TBL1XR1: variants seen among roughly 807,000 people sequenced by gnomAD.
The protein encoded by TBL1XR1 is TBL1X/Y related 1.
Under a neutral mutation model 66.9 loss-of-function variants are expected in TBL1XR1, and 5 were observed. That is an observed-to-expected ratio of 0.07 (90% CI 0.04 to 0.16). The LOEUF is 0.16. Among genes scored for constraint, TBL1XR1 ranks in the 10% least tolerant of loss-of-function variants. The pLI is 1.00. For synonymous variants in TBL1XR1, 210 were observed against 206.0 expected, an observed-to-expected ratio of 1.02 and a Z score of -0.17; for missense variants, 238 against 623.2, an observed-to-expected ratio of 0.38 and a Z score of 6.58.
At chr3:177,109,481 A>AT (rs1725295362) in intron 1 of TBL1XR1, among the ~76,000 whole-genome samples, 2 of 152,156 alleles carry the variant, frequency 1.3e-5, no homozygotes. Flanking sequence ...CAACAGAACT[A>AT]TGGGAAGAAA....
chr3:177,041,719 T>C (rs1173986558), intron 10 of TBL1XR1, among the ~76,000 whole-genome samples: 6 of 152,198 alleles, frequency 3.9e-5, no homozygotes, highest in African/African-American at 1.2e-4. Context: ...CCTGCTAGGA[T>C]GTGCAACCCA....
chr3:177,193,863 T>C (rs74538226), intron 1 of TBL1XR1, among the ~76,000 whole-genome samples: 5,403 of 152,310 alleles, frequency 0.035, 338 homozygotes, highest in African/African-American at 0.12. Context: ...TTAATAATTT[T>C]GTGGCCTTGA....
chr3:177,023,640 AATAG>A lies in TBL1XR1; in HGVS notation c.*1854_*1857del, dbSNP rs1287475870. On this transcript the variant is annotated 3_prime_UTR_variant, in exon 16 of 16. Coordinates refer to ENST00000457928, the MANE Select transcript of TBL1XR1 (RefSeq NM_024665.7). ...ATTAAGTGTATTTATTCTCTTTACCAATAGCAAATGCTACCCTACCTTAGTAAAA... is the reference window on the plus strand; with the variant it reads ...ATTAAGTGTATTTATTCTCTTTACCACAAATGCTACCCTACCTTAGTAAAA... 1 of 152,586 alleles carries A rather than the reference AATAG, an allele frequency of 6.6e-6. No homozygotes were observed. Among genetic ancestry groups the A allele is most frequent in the African/African-American group, 2.4e-5 (1 of 41,464 alleles). 9.5% of individuals were successfully genotyped at this position (152,586 alleles called of 1,614,324 possible).
At chr3:177,121,392 C>T (rs1726955134) in intron 1 of TBL1XR1, among the ~76,000 whole-genome samples, 1 of 152,076 alleles carries the variant, frequency 6.6e-6, no homozygotes, top group Non-Finnish European at 1.5e-5. Flanking sequence ...AAATAAAGTC[C>T]ATTGAGAAAT....
intron 2 of TBL1XR1, 103 bp from the exon 3 acceptor site, chr3:177,065,125 G>A (rs543790242): frequency 7.6e-5 from 57 of 748,128 alleles, no homozygotes; most frequent in Middle Eastern, 8.5e-4. Flanking sequence ...GATGTAAAAC[G>A]AAGGTTCTAC....
intron 2 of TBL1XR1, among the ~76,000 whole-genome samples, chr3:177,084,121 A>G (rs1721830655): frequency 6.6e-6 from 1 of 152,086 alleles, no homozygotes; most frequent in Non-Finnish European, 1.5e-5. Context: ...AAAAGAAAAG[A>G]AAAAACTTAC....
At chr3:177,090,865 G>T (rs1560164305) in intron 2 of TBL1XR1, among the ~76,000 whole-genome samples, 1 of 152,072 alleles carries the variant, frequency 6.6e-6, no homozygotes, top group Non-Finnish European at 1.5e-5. Flanking sequence ...GCATGCACCT[G>T]TGGTCCCAGC....
Position 177,050,103 on chromosome 3 carries a change from C to G in TBL1XR1, c.596G>C (p.Ser199Thr), listed in dbSNP as rs1309997180. ...GDSTARIWNL[S>T]ENSTSGSTQL... The stretch of plus-strand genomic sequence containing the variant: ...TGTAGAGCCACTGGTGCTGTTCTCA[C>G]TAAGATTCCATATTCTTGCTGTTGA... The change falls in exon 7 of 16, where the codon AGT (serine) becomes ACT (threonine). Residue 199 changes from serine to threonine, a missense_variant. Ser to Thr is a moderately conservative substitution (Grantham distance 58, BLOSUM62 1). Transcript: ENST00000457928. The G allele has an allele frequency of 1.2e-6, 2 of 1,612,654 alleles. No homozygotes were observed. Among genetic ancestry groups the G allele is most frequent in the Admixed American group, 3.3e-5 (2 of 59,938 alleles).
chr3:177,198,666 C>T (rs893432600), upstream of TBL1XR1, among the ~76,000 whole-genome samples: 2 of 152,136 alleles, frequency 1.3e-5, no homozygotes, highest in Non-Finnish European at 2.9e-5. Context: ...GAAGCAGCCA[C>T]CCTTTTACAT....
intron 1 of TBL1XR1, among the ~76,000 whole-genome samples, chr3:177,107,288 TC>T (rs1303643841): frequency 2.0e-5 from 3 of 152,202 alleles, no homozygotes; most frequent in Admixed American, 2.0e-4. Flanking sequence ...CTCTTATGTG[TC>T]CTTACAGAAA....
chr3:177,151,885 G>C (rs977248152), intron 1 of TBL1XR1, among the ~76,000 whole-genome samples: 4 of 152,126 alleles, frequency 2.6e-5, no homozygotes, highest in Non-Finnish European at 2.9e-5. Flanking sequence ...TCAGCCGGGC[G>C]TGGTGGCAGG....
intron 1 of TBL1XR1, among the ~76,000 whole-genome samples, chr3:177,184,521 G>C (rs890608159): frequency 2.0e-5 from 3 of 152,166 alleles, no homozygotes; most frequent in Non-Finnish European, 2.9e-5. Context: ...TCACCAGTTG[G>C]CCAGGTGCGG....
At chr3:177,192,168 C>T (rs561072727) in intron 1 of TBL1XR1, among the ~76,000 whole-genome samples, 104 of 150,896 alleles carry the variant, frequency 6.9e-4, no homozygotes, top group African/African-American at 2.4e-3. Flanking sequence ...GAGGCCAAAG[C>T]GGGCAGATCA....
intron 10 of TBL1XR1, among the ~76,000 whole-genome samples, chr3:177,039,306 G>A (rs970613616): frequency 1.3e-5 from 2 of 152,152 alleles, no homozygotes; most frequent in African/African-American, 2.4e-5. Context: ...ACATGGTGAA[G>A]ACCAGGTGAG....
chr3:177,108,907 T>G (rs911512503), intron 1 of TBL1XR1, among the ~76,000 whole-genome samples: 6 of 152,160 alleles, frequency 3.9e-5, no homozygotes, highest in African/African-American at 1.4e-4. Flanking sequence ...TACTAGCTAA[T>G]GTTCACCAAG....
intron 1 of TBL1XR1, among the ~76,000 whole-genome samples, chr3:177,151,505 C>G (rs1730882258): frequency 1.3e-5 from 2 of 152,126 alleles, no homozygotes; most frequent in South Asian, 4.1e-4. Flanking sequence ...ACTGTACGCT[C>G]CTTATGAGAA....
At chr3:177,126,409 T>C (rs1435121114) in intron 1 of TBL1XR1, among the ~76,000 whole-genome samples, 1 of 152,232 alleles carries the variant, frequency 6.6e-6, no homozygotes, top group Non-Finnish European at 1.5e-5. Context: ...AAACATCGGT[T>C]ATGTAATAAA....
At chr3:177,063,616 C>T (rs974611787) in intron 3 of TBL1XR1, among the ~76,000 whole-genome samples, 4 of 152,202 alleles carry the variant, frequency 2.6e-5, no homozygotes, top group Non-Finnish European at 2.9e-5. Flanking sequence ...AAGTTACATA[C>T]GTAACAATCA....
chr3:177,178,472 C>A (rs1034435774), intron 1 of TBL1XR1, among the ~76,000 whole-genome samples: 2 of 152,068 alleles, frequency 1.3e-5, no homozygotes, highest in Admixed American at 6.6e-5. Flanking sequence ...CATCCCTATG[C>A]CACTTTGTAA....
Sources: gnomAD v4.1 joint callset for allele counts (sites outside exome capture counted in the v4.1 genomes callset) on GRCh38, gnomAD v4.1.1 for gene constraint, MANE v1.5 for transcripts, NCBI Gene and HGNC (gene_info 2026-07-23, HGNC 2026-07-21) for gene names.